ANKRD36C: variants seen among roughly 807,000 people sequenced by gnomAD.
The protein encoded by ANKRD36C is ankyrin repeat domain 36C, also known as ankyrin repeat domain-containing protein 36C.
Under a neutral mutation model 276.4 loss-of-function variants are expected in ANKRD36C, and 61 were observed. The observed-to-expected ratio is 0.22, with a 90% CI of 0.18 to 0.27. ANKRD36C has a LOEUF of 0.27. ANKRD36C is among the 10% of genes least tolerant of loss of function. The pLI, the probability that ANKRD36C is intolerant of heterozygous loss-of-function variation, is 1.00. For synonymous variants in ANKRD36C, 483 were observed against 680.1 expected (o/e 0.71, Z 4.51); for missense variants, 1,447 against 2,032.3 (o/e 0.71, Z 5.54).
chr2:95,891,528 C>G, intron 46 of ANKRD36C, 137 bp downstream of exon 66: 1 of 1,227,074 alleles, frequency 8.1e-7, no homozygotes, highest in Non-Finnish European at 1.1e-6. Flanking sequence ...CACCCAAGAA[C>G]TTATTTGAAA....
intron 28 of ANKRD36C, among the ~76,000 whole-genome samples, chr2:95,926,935 T>C (rs1275832131): frequency 1.3e-5 from 2 of 151,616 alleles, no homozygotes; most frequent in African/African-American, 2.4e-5. Flanking sequence ...AAACATGCTG[T>C]AGAATTAATG....
chr2:95,882,406 C>A, intron 55 of ANKRD36C, 32 bp from the exon 76 acceptor site: 1 of 1,546,734 alleles, frequency 6.5e-7, no homozygotes, highest in Non-Finnish European at 8.7e-7. Context: ...ATAGTCAATA[C>A]ATAATATATA....
intron 1 of ANKRD36C, among the ~76,000 whole-genome samples, chr2:95,988,201 T>C (rs2918827): frequency 6.6e-6 from 1 of 151,396 alleles, no homozygotes; most frequent in Non-Finnish European, 1.5e-5. Flanking sequence ...CTTACTTTAA[T>C]TTTCAAAATA....
At chr2:95,891,926 G>T in intron 44 of ANKRD36C, 66 bp from the exon 65 acceptor site, 1 of 1,544,222 alleles carries the variant, frequency 6.5e-7, no homozygotes, top group Non-Finnish European at 8.8e-7. Flanking sequence ...ACACATTCAT[G>T]CAGTGTTAGC....
chr2:95,948,582 A>C, exon 17 of ANKRD36C: 3 of 1,535,880 alleles, frequency 2.0e-6, no homozygotes, highest in Non-Finnish European at 2.6e-6. Context: ...AAAACGGTCC[A>C]GTAGGTAGAG....
intron 6 of ANKRD36C, among the ~76,000 whole-genome samples, chr2:95,976,219 G>T (rs1201071859): frequency 6.6e-6 from 1 of 152,208 alleles, no homozygotes; most frequent in East Asian, 1.9e-4. Context: ...AAGTCAGTGT[G>T]GCGATTCCTC....
At chr2:95,938,067 T>C (rs1677767744) in intron 22 of ANKRD36C, among the ~76,000 whole-genome samples, 1 of 152,184 alleles carries the variant, frequency 6.6e-6, no homozygotes, top group Non-Finnish European at 1.5e-5. Context: ...GTTGCAGCTA[T>C]TATGTACATT....
At chr2:95,956,458 T>A (rs1417571650) in intron 13 of ANKRD36C, among the ~76,000 whole-genome samples, 1 of 152,240 alleles carries the variant, frequency 6.6e-6, no homozygotes, top group Non-Finnish European at 1.5e-5. Context: ...ATCGCATTGC[T>A]GCATAGGTCT....
At chr2:95,859,743 TAAG>T (rs897697941) in intron 61 of ANKRD36C, 115 bp downstream of exon 81, 1 of 1,189,486 alleles carries the variant, frequency 8.4e-7, no homozygotes, top group Non-Finnish European at 1.2e-6. Context: ...TCCATAAGAT[TAAG>T]AAGCTTTCTT....
rs541152891 is a variant in ANKRD36C, at chr2:95,886,016, G to A, written c.3163+32C>T. The A allele has an allele frequency of 2.8e-5, 45 of 1,590,436 alleles. No individual in the cohort carries two copies. The East Asian group carries it at 5.2e-4, about 18-fold the overall frequency. On this transcript the variant is annotated intron_variant, in intron 52 of 66. Coordinates refer to ENST00000456556, the Ensembl canonical transcript of ANKRD36C. ...AAGTGAATTTCTCTTCTATTTGATC[G>A]AACATTACATTAAAGGTGTATTCCA...
intron 44 of ANKRD36C, chr2:95,894,093 T>G (rs1486091976): frequency 6.0e-5 from 18 of 298,618 alleles, no homozygotes; most frequent in South Asian, 5.1e-4. Context: ...GATCCCACAT[T>G]TCTTTCATGC....
At chr2:95,911,394 C>A (rs112889963) in intron 42 of ANKRD36C, among the ~76,000 whole-genome samples, 5,701 of 151,504 alleles carry the variant, frequency 0.038, 270 homozygotes, top group African/African-American at 0.11. Flanking sequence ...AATTAGAATG[C>A]AACATAATTT....
At chr2:95,946,172 A>C (rs1182824495) in intron 17 of ANKRD36C, among the ~76,000 whole-genome samples, 2 of 150,272 alleles carry the variant, frequency 1.3e-5, no homozygotes, top group African/African-American at 4.9e-5. Flanking sequence ...AAAAAAAAAA[A>C]AAAAAACAAT....
intron 60 of ANKRD36C, 67 bp from the exon 81 acceptor site, chr2:95,860,141 G>A (rs1032701470): frequency 4.5e-6 from 5 of 1,112,014 alleles, no homozygotes; most frequent in Non-Finnish European, 6.5e-6. Context: ...AAAGGACTGT[G>A]CATTTTTAAC....
intron 30 of ANKRD36C, among the ~76,000 whole-genome samples, chr2:95,925,021 ACTT>A (rs1379839874): frequency 1.3e-5 from 2 of 151,552 alleles, no homozygotes; most frequent in South Asian, 2.1e-4. Context: ...AATTTCTGTT[ACTT>A]CTTCTCTTTC....
intron 58 of ANKRD36C, among the ~76,000 whole-genome samples, chr2:95,878,183 CAA>C (rs566417679): frequency 1.8e-4 from 11 of 62,686 alleles, no homozygotes; most frequent in East Asian, 3.8e-4. Context: ...GACTCTGTCT[CAA>C]AAAAAAAAAA....
At chr2:95,919,537 T>A (rs1677207460) in intron 34 of ANKRD36C, among the ~76,000 whole-genome samples, 196 bp downstream of exon 36, 1 of 132,220 alleles carries the variant, frequency 7.6e-6, no homozygotes, top group Non-Finnish European at 1.7e-5. Context: ...ATAATCTTAC[T>A]GCAAAGATCA....
intron 61 of ANKRD36C, among the ~76,000 whole-genome samples, chr2:95,858,189 C>T (rs4258840): frequency 2.0e-5 from 3 of 150,380 alleles, no homozygotes; most frequent in Non-Finnish European, 4.5e-5. Flanking sequence ...CTCAGGACCT[C>T]CTGAGGGCTG....
At chr2:95,872,424 CAT>C (rs1558622305) in intron 59 of ANKRD36C, among the ~76,000 whole-genome samples, 1 of 151,304 alleles carries the variant, frequency 6.6e-6, no homozygotes, top group Non-Finnish European at 1.5e-5. Context: ...CTACTGGGTA[CAT>C]AACGAAATGA....
Sources: gnomAD v4.1 joint callset for allele counts (sites outside exome capture counted in the v4.1 genomes callset) on GRCh38, gnomAD v4.1.1 for gene constraint, MANE v1.5 for transcripts, NCBI Gene and HGNC (gene_info 2026-07-23, HGNC 2026-07-21) for gene names.